The following RPS18 variants were observed in gnomAD, a reference collection of about 807,000 sequenced individuals.
RPS18 encodes the protein small ribosomal subunit protein uS13.
For synonymous variants in RPS18, 64 were observed against 70.9 expected, an observed-to-expected ratio of 0.90 and a Z score of 0.49; for missense variants, 49 against 200.8, an observed-to-expected ratio of 0.24 and a Z score of 4.57.
intron 2 of RPS18, among the ~76,000 whole-genome samples, chr6:33,274,410 CAG>C (rs1238004781): frequency 2.6e-5 from 4 of 151,824 alleles, no homozygotes; most frequent in Non-Finnish European, 5.9e-5. Flanking sequence ...CTCCTGGGCT[CAG>C]TGATCCTCCA....
intron 1 of RPS18, 132 bp from the exon 2 acceptor site, chr6:33,272,495 AG>A (rs1765278065): frequency 8.3e-6 from 6 of 723,324 alleles, no homozygotes; most frequent in Admixed American, 3.7e-5. Context: ...TGAAAACCTA[AG>A]GAATGGGGGG....
chr6:33,275,294 A>C (rs904245699), intron 2 of RPS18: 12 of 161,358 alleles, frequency 7.4e-5, no homozygotes, highest in Non-Finnish European at 1.4e-4. Flanking sequence ...TTCTGTGTTC[A>C]TGATTCAGTC....
chr6:33,276,273 T>TG lies in RPS18; in HGVS notation c.383+12dup, dbSNP rs145980960. ...GGGCTGCGTCACTTCTGGGGGTGAG[T>TG]GGGGGGTCTCATCTCCCTGCCTACC... On this transcript the variant is annotated splice_region_variant and intron_variant, in intron 5 of 5. Coordinates refer to ENST00000439602, the MANE Select transcript of RPS18 (RefSeq NM_022551.3). 2.3e-3 allele frequency: 3,759 copies of TG among 1,612,242 alleles called. 85 individuals carry two copies. The African/African-American group carries it at 0.041, about 18-fold the overall frequency.
At chr6:33,272,164 T>G in intron 1 of RPS18, 42 bp downstream of exon 1, 1 of 1,554,198 alleles carries the variant, frequency 6.4e-7, no homozygotes, top group Non-Finnish European at 8.7e-7. Flanking sequence ...GCATCGCAGC[T>G]CGGGCAAGGA....
intron 1 of RPS18, 82 bp downstream of exon 1, chr6:33,272,204 C>G: frequency 6.8e-7 from 1 of 1,479,124 alleles, no homozygotes; most frequent in Non-Finnish European, 9.2e-7. Flanking sequence ...TGGAAACGTC[C>G]TGCCCTGAGG....
intron 2 of RPS18, 130 bp downstream of exon 2, chr6:33,272,856 G>T (rs1765326854): frequency 1.5e-6 from 1 of 687,282 alleles, no homozygotes; most frequent in Non-Finnish European, 2.7e-6. Flanking sequence ...ATTAAGAAAA[G>T]AAAGTGGTTT....
At position 33,276,250 on chromosome 6, in the gene RPS18, G is replaced by A; in HGVS notation, c.366G>A (p.Gly122=). The change falls in exon 5 of 6, where the codon GGG becomes GGA. Residue 122 remains glycine, a synonymous_variant. Transcript: ENST00000439602. ...ERLKKIRAHR[G]LRHFWGLRVR... ...TGAAGAAGATTCGGGCCCATAGAGGGCTGCGTCACTTCTGGGGGTGAGTGG... is the reference window on the plus strand; with the variant it reads ...TGAAGAAGATTCGGGCCCATAGAGGACTGCGTCACTTCTGGGGGTGAGTGG... 2 of 1,614,046 alleles carry A rather than the reference G, an allele frequency of 1.2e-6. No homozygotes were observed. Among genetic ancestry groups the A allele is most frequent in the Non-Finnish European group, 1.7e-6 (2 of 1,179,950 alleles).
intron 1 of RPS18, 57 bp from the exon 2 acceptor site, chr6:33,272,571 C>A: frequency 2.4e-6 from 2 of 832,736 alleles, no homozygotes; most frequent in South Asian, 2.6e-5. Context: ...GCCTTATCGG[C>A]CTTACTGTTT....
chr6:33,272,545 T>C (rs1199290564), intron 1 of RPS18, 83 bp from the exon 2 acceptor site: 1 of 780,602 alleles, frequency 1.3e-6, no homozygotes, highest in Non-Finnish European at 2.4e-6. Flanking sequence ...TTAACCTTTT[T>C]GTATGAAGTT....
rs1470059560 is a variant in RPS18, at chr6:33,275,829, G to A, written c.135G>A (p.Leu45=). 2 of 1,613,188 alleles carry A rather than the reference G, an allele frequency of 1.2e-6. No homozygotes were observed. Among genetic ancestry groups the A allele is most frequent in the East Asian group, 4.5e-5 (2 of 44,880 alleles). ...GCCGAAGATATGCTCATGTGGTGTTGAGGAAAGCAGACATTGACCTCACCA... is the reference window on the plus strand; with the variant it reads ...GCCGAAGATATGCTCATGTGGTGTTAAGGAAAGCAGACATTGACCTCACCA... ...GVGRRYAHVV[L]RKADIDLTKR... The change falls in exon 3 of 6, where the codon TTG becomes TTA. Residue 45 remains leucine (L), a synonymous_variant. Transcript: ENST00000439602.
intron 2 of RPS18, chr6:33,275,393 G>C (rs981286978): frequency 1.5e-5 from 3 of 200,574 alleles, no homozygotes; most frequent in Admixed American, 1.1e-4. Flanking sequence ...ATCTTGGCTT[G>C]CTGCAACCTC....
chr6:33,276,324 TCTTC>T, intron 5 of RPS18, 57 bp downstream of exon 5: 1 of 1,605,900 alleles, frequency 6.2e-7, no homozygotes, highest in Non-Finnish European at 8.5e-7. Context: ...TCCTACTCGC[TCTTC>T]TTTTTCCCCA....
chr6:33,272,947 A>G (rs1765335836), intron 2 of RPS18, among the ~76,000 whole-genome samples: 2 of 152,204 alleles, frequency 1.3e-5, no homozygotes, highest in African/African-American at 4.8e-5. Flanking sequence ...TCAAGCCAAA[A>G]CATTTCACCT....
At chr6:33,275,128 C>T (rs1355094104) in intron 2 of RPS18, among the ~76,000 whole-genome samples, 2 of 152,104 alleles carry the variant, frequency 1.3e-5, no homozygotes, top group Non-Finnish European at 2.9e-5. Flanking sequence ...GCCTGTAACT[C>T]ATAAGACCCT....
intron 2 of RPS18, 37 bp from the exon 3 acceptor site, chr6:33,275,760 A>G (rs750744205): frequency 7.6e-7 from 1 of 1,320,168 alleles, no homozygotes; most frequent in Non-Finnish European, 1.1e-6. Flanking sequence ...TAAAAATCAG[A>G]TTCAACACTA....
At chr6:33,276,140 G>T in intron 4 of RPS18, 36 bp from the exon 5 acceptor site, 3 of 1,609,932 alleles carry the variant, frequency 1.9e-6, no homozygotes, top group Non-Finnish European at 2.6e-6. Context: ...GGAGGTCAGG[G>T]GATAAAACAT....
At chr6:33,272,568 C>T (rs190091984) in intron 1 of RPS18, 60 bp from the exon 2 acceptor site, 31 of 819,998 alleles carry the variant, frequency 3.8e-5, no homozygotes, top group Admixed American at 1.9e-4. Flanking sequence ...TTTGCCTTAT[C>T]GGCCTTACTG....
chr6:33,272,106 C>G lies in RPS18; in HGVS notation c.-14C>G, dbSNP rs911880383. The G allele has an allele frequency of 2.6e-6, 4 of 1,567,764 alleles. No homozygotes were observed. The highest frequency in any genetic ancestry group is 2.6e-6 in the Non-Finnish European group (3 of 1,156,092). On this transcript the variant is annotated 5_prime_UTR_variant, in exon 1 of 6. Coordinates refer to ENST00000439602, the MANE Select transcript of RPS18 (RefSeq NM_022551.3). ...TCCACAGGAGGCCTACACGCCGCCG[C>G]TTGTGCTGCAGCCATGGTAAGACTG... is the stretch of plus-strand genomic sequence containing the variant.
At chr6:33,272,748 A>G in intron 2 of RPS18, 22 bp downstream of exon 2, 1 of 1,144,820 alleles carries the variant, frequency 8.7e-7, no homozygotes, top group South Asian at 1.2e-5. Flanking sequence ...AGGGTAAGGA[A>G]TAGGGAATGT....
Sources: allele counts gnomAD v4.1 joint callset (sites outside exome capture counted in the v4.1 genomes callset), GRCh38; gene constraint gnomAD v4.1.1; transcripts MANE v1.5; gene names NCBI Gene and HGNC (gene_info 2026-07-23, HGNC 2026-07-21).